GRID2: variants seen among roughly 807,000 people sequenced by gnomAD.
GRID2 encodes glutamate receptor ionotropic, delta-2.
A neutral mutation model predicts 114.8 loss-of-function variants in GRID2; 33 were observed. The ratio of observed to expected loss-of-function variants is 0.29; its 90% confidence interval spans 0.22 to 0.38. GRID2 has a LOEUF of 0.38. Ranked by LOEUF, GRID2 falls within the 10% of genes least tolerant of loss-of-function variation. GRID2 has a pLI of 1.00. For missense variants in GRID2, 1,184 were observed against 1,257.7 expected (o/e 0.94, Z 0.89); for synonymous variants, 505 against 449.9 (o/e 1.12, Z -1.55).
At chr4:92,547,810 C>G (rs1726342123) in intron 1 of GRID2, among the ~76,000 whole-genome samples, 1 of 151,808 alleles carries the variant, frequency 6.6e-6, no homozygotes, top group Non-Finnish European at 1.5e-5. Context: ...ATGGAAACCT[C>G]AATGGAAGCA....
At position 93,186,352 on chromosome 4, in the gene GRID2, CCCA is replaced by C. The variant is rs1237765011; in HGVS notation, c.736-21048_736-21046del. Among the ~76,000 whole-genome samples, 21 of 152,256 alleles carry C rather than the reference CCCA, an allele frequency of 1.4e-4. No homozygotes were observed. In the South Asian group the frequency reaches 1.7e-3, roughly 12 times the overall value. ...CACAATGGTTGAACTAGTTTATACT[CCCA>C]CCAATAGTGTAAAAGCGTTCCTATT... is the stretch of plus-strand genomic sequence containing the variant. On this transcript the variant is annotated intron_variant, in intron 4 of 15. Coordinates refer to ENST00000282020, the MANE Select transcript of GRID2 (RefSeq NM_001510.4).
chr4:92,753,750 G>T (rs535199372), intron 2 of GRID2, among the ~76,000 whole-genome samples: 1 of 152,186 alleles, frequency 6.6e-6, no homozygotes, highest in East Asian at 1.9e-4. Context: ...GTCAGTTTGA[G>T]GAAAGAAGGC....
At position 92,763,281 on chromosome 4, in the gene GRID2, A is replaced by T. The variant is rs115952708; in HGVS notation, c.244+172995A>T. On this transcript the variant is annotated intron_variant, in intron 2 of 15. Transcript: ENST00000282020. ...GTATACATTGAAAAACTATGCACAA[A>T]GCCCTTATCCTGATGGAGCTTACAA... 4.8e-3 allele frequency among the ~76,000 whole-genome samples: 735 copies of T among 152,288 alleles called. 10 individuals are homozygous for T. The highest frequency in any genetic ancestry group is 0.017 in the African/African-American group (696 of 41,566).
intron 1 of GRID2, among the ~76,000 whole-genome samples, chr4:92,373,155 CA>C (rs1427697920): frequency 3.9e-5 from 6 of 152,122 alleles, no homozygotes; most frequent in African/African-American, 1.4e-4. Context: ...TGTCAGGAAG[CA>C]GGGGTAATTC....
Position 93,334,964 on chromosome 4 carries a change from A to G in GRID2, c.1246-60643A>G, listed in dbSNP as rs1758891802. On this transcript the variant is annotated intron_variant, in intron 8 of 15. Coordinates refer to ENST00000282020, the MANE Select transcript of GRID2 (RefSeq NM_001510.4). ...AAAAAAAAAAGAATTTCTGGTCTTT[A>G]GCTGCTGTTTTTCATAAACAATCAA... Among the ~76,000 whole-genome samples the G allele has an allele frequency of 2.6e-5, 4 of 152,264 alleles. No homozygotes were observed. The South Asian group carries it at 8.3e-4, about 32-fold the overall frequency.
chr4:92,689,989 A>G (rs1181692279), intron 2 of GRID2, among the ~76,000 whole-genome samples: 1 of 152,150 alleles, frequency 6.6e-6, no homozygotes, highest in Admixed American at 6.6e-5. Context: ...GTTCCAGATC[A>G]CTGAAACTTT....
At chr4:92,851,049 T>G (rs1385090657) in intron 2 of GRID2, among the ~76,000 whole-genome samples, 1 of 151,920 alleles carries the variant, frequency 6.6e-6, no homozygotes, top group African/African-American at 2.4e-5. Flanking sequence ...TTACTTTTAA[T>G]TAGTATTACT....
chr4:93,247,044 G>A (rs557001875), intron 8 of GRID2, among the ~76,000 whole-genome samples: 13 of 152,284 alleles, frequency 8.5e-5, no homozygotes, highest in African/African-American at 3.1e-4. Context: ...TTCTACCTCA[G>A]GTAAGCAGCA....
At chr4:93,426,226 G>A (rs533956581) in intron 10 of GRID2, among the ~76,000 whole-genome samples, 7 of 152,160 alleles carry the variant, frequency 4.6e-5, no homozygotes, top group Non-Finnish European at 7.4e-5. Context: ...CATTAATATC[G>A]TTATTTTTAA....
At chr4:92,501,320 A>T (rs1470260469) in intron 1 of GRID2, among the ~76,000 whole-genome samples, 1 of 152,134 alleles carries the variant, frequency 6.6e-6, no homozygotes, top group Non-Finnish European at 1.5e-5. Flanking sequence ...TTTACCAGCA[A>T]TTCAATTCCA....
chr4:93,151,209 G>A (rs764292383), intron 4 of GRID2, among the ~76,000 whole-genome samples: 18 of 151,774 alleles, frequency 1.2e-4, no homozygotes, highest in Middle Eastern at 3.2e-3. Flanking sequence ...TGCCTTCTGT[G>A]TCACCATCCC....
chr4:93,040,156 A>T (rs1408852790), intron 2 of GRID2, among the ~76,000 whole-genome samples: 1 of 152,116 alleles, frequency 6.6e-6, no homozygotes, highest in Non-Finnish European at 1.5e-5. Flanking sequence ...TAGAGCAAAT[A>T]TATAAACACT....
chr4:92,581,469 G>C (rs188342490), intron 1 of GRID2, among the ~76,000 whole-genome samples: 129 of 152,164 alleles, frequency 8.5e-4, no homozygotes, highest in Non-Finnish European at 9.7e-4. Flanking sequence ...ACAGCAGTCA[G>C]ACTTTTCCAG....
intron 2 of GRID2, among the ~76,000 whole-genome samples, chr4:92,704,957 C>T (rs1441605724): frequency 6.6e-6 from 1 of 151,976 alleles, no homozygotes; most frequent in African/African-American, 2.4e-5. Flanking sequence ...AAAATGCTAT[C>T]CAGTTTTTGT....
At chr4:93,602,895 C>T (rs1739836027) in intron 13 of GRID2, among the ~76,000 whole-genome samples, 1 of 152,156 alleles carries the variant, frequency 6.6e-6, no homozygotes. Context: ...TGTGCTACTC[C>T]AATGAATGCA....
chr4:93,039,171 A>G (rs1725239759), intron 2 of GRID2, among the ~76,000 whole-genome samples: 1 of 152,190 alleles, frequency 6.6e-6, no homozygotes, highest in Non-Finnish European at 1.5e-5. Flanking sequence ...CTTTGCAGGA[A>G]CATGGATGAA....
chr4:92,524,032 G>A (rs555125409), intron 1 of GRID2, among the ~76,000 whole-genome samples: 3 of 152,076 alleles, frequency 2.0e-5, no homozygotes, highest in African/African-American at 7.2e-5. Flanking sequence ...CATAGATGTT[G>A]ATGAGGAAGA....
chr4:92,722,476 A>C (rs1735856863), intron 2 of GRID2, among the ~76,000 whole-genome samples: 1 of 152,168 alleles, frequency 6.6e-6, no homozygotes, highest in Non-Finnish European at 1.5e-5. Context: ...GGCAATCCAG[A>C]ATATAACTGA....
chr4:92,809,433 C>T lies in GRID2; in HGVS notation c.244+219147C>T, dbSNP rs114987206. 6.5e-3 allele frequency among the ~76,000 whole-genome samples: 985 copies of T among 151,970 alleles called. 18 individuals are homozygous for T. Among genetic ancestry groups the T allele is most frequent in the African/African-American group, 0.022 (923 of 41,514 alleles). The stretch of plus-strand genomic sequence containing the variant: ...AATGTCATTTTAGTGCCTACTCATA[C>T]AGTTAGTGATTGCAGTTATTTGTGA... On this transcript the variant is annotated intron_variant, in intron 2 of 15. Transcript: ENST00000282020.
Sources: allele counts gnomAD v4.1 joint callset (sites outside exome capture counted in the v4.1 genomes callset), GRCh38; gene constraint gnomAD v4.1.1; transcripts MANE v1.5; gene names NCBI Gene and HGNC (gene_info 2026-07-23, HGNC 2026-07-21).